The following DDAH1 variants were observed in gnomAD, a reference collection of about 807,000 sequenced individuals.
DDAH1 encodes N(G),N(G)-dimethylarginine dimethylaminohydrolase 1.
A neutral mutation model predicts 28.8 loss-of-function variants in DDAH1; 19 were observed. The observed-to-expected ratio is 0.66, with a 90% CI of 0.46 to 0.97. The LOEUF (loss-of-function observed/expected upper bound fraction) is 0.97. DDAH1 is among the 50% of genes least tolerant of loss of function. DDAH1 has a pLI of 0.00. For synonymous variants in DDAH1, 153 were observed against 154.4 expected (o/e 0.99, Z 0.07); for missense variants, 326 against 375.9 (o/e 0.87, Z 1.10).
At chr1:85,328,370 C>A (rs1018694446) in intron 4 of DDAH1, among the ~76,000 whole-genome samples, 1 of 152,220 alleles carries the variant, frequency 6.6e-6, no homozygotes, top group Admixed American at 6.5e-5. Flanking sequence ...ACCCAATGGG[C>A]AGATTGACTT....
chr1:85,508,200 A>T (rs1657091747), intron 1 of DDAH1, among the ~76,000 whole-genome samples: 1 of 152,228 alleles, frequency 6.6e-6, no homozygotes. Flanking sequence ...ACTATTAAAG[A>T]TCCTTGCCTG....
At chr1:85,488,644 G>C (rs1656284745) in intron 2 of DDAH1, among the ~76,000 whole-genome samples, 1 of 152,116 alleles carries the variant, frequency 6.6e-6, no homozygotes, top group Non-Finnish European at 1.5e-5. Context: ...CTTTTTTACA[G>C]TTGCACAGTA....
At chr1:85,516,797 G>A (rs1204868866) in intron 1 of DDAH1, among the ~76,000 whole-genome samples, 3 of 151,490 alleles carry the variant, frequency 2.0e-5, no homozygotes, top group Non-Finnish European at 4.4e-5. Flanking sequence ...ACACAGCTAG[G>A]GCTCCATCTC....
intron 2 of DDAH1, among the ~76,000 whole-genome samples, chr1:85,477,906 C>A (rs1655857723): frequency 6.6e-6 from 1 of 151,884 alleles, no homozygotes; most frequent in Non-Finnish European, 1.5e-5. Context: ...AGTATATGGG[C>A]TTCTATTCTC....
At chr1:85,540,316 T>A (rs1053521819) in intron 1 of DDAH1, among the ~76,000 whole-genome samples, 1 of 152,180 alleles carries the variant, frequency 6.6e-6, no homozygotes, top group African/African-American at 2.4e-5. Flanking sequence ...GGCCTTGGCG[T>A]TGATTTCTGC....
chr1:85,536,975 A>ACG (rs1202929872), intron 1 of DDAH1, among the ~76,000 whole-genome samples: 2 of 66,512 alleles, frequency 3.0e-5, no homozygotes, highest in Non-Finnish European at 5.7e-5. Flanking sequence ...ATATATATAT[A>ACG]TATATATATA....
At chr1:85,517,925 TCAA>T (rs1277735013) in intron 1 of DDAH1, among the ~76,000 whole-genome samples, 1 of 152,210 alleles carries the variant, frequency 6.6e-6, no homozygotes, top group Non-Finnish European at 1.5e-5. Context: ...GTGATTTCTT[TCAA>T]CAGCTGGGTT....
intron 1 of DDAH1, chr1:85,576,835 C>T (rs1017401465): frequency 6.5e-6 from 1 of 152,774 alleles, no homozygotes; most frequent in African/African-American, 2.4e-5. Flanking sequence ...CTGCCCGGGT[C>T]TACCCCGCCG....
chr1:85,386,436 G>A (rs1022651056), intron 1 of DDAH1, among the ~76,000 whole-genome samples: 4 of 152,244 alleles, frequency 2.6e-5, no homozygotes, highest in East Asian at 1.9e-4. Context: ...TAGGGCAGAC[G>A]TTAAACCTTA....
At chr1:85,545,223 C>A (rs538257270) in intron 1 of DDAH1, among the ~76,000 whole-genome samples, 1 of 152,198 alleles carries the variant, frequency 6.6e-6, no homozygotes, top group Non-Finnish European at 1.5e-5. Context: ...AAAGAGTCAA[C>A]CAACTCTCAA....
In DDAH1 at chr1:85,450,814, C is replaced by G. The variant is rs563702141; in HGVS notation, c.303+13929G>C. ...TAAGTACTTAAAATGGAAAATATAT[C>G]GAATGTGTAAAGATACTTAAAATGT... On this transcript the variant is annotated intron_variant, in intron 1 of 5. Transcript: ENST00000284031. Among the ~76,000 whole-genome samples, 6 of 152,158 alleles carry G rather than the reference C, an allele frequency of 3.9e-5. No homozygotes were observed. In the South Asian group the frequency reaches 1.2e-3, roughly 32 times the overall value.
At chr1:85,484,949 T>C (rs1181799535) in intron 2 of DDAH1, among the ~76,000 whole-genome samples, 3 of 152,224 alleles carry the variant, frequency 2.0e-5, no homozygotes, top group Non-Finnish European at 1.5e-5. Flanking sequence ...GAACATTTCA[T>C]CAACTGCTTT....
chr1:85,406,431 C>A (rs1285675346), intron 1 of DDAH1, among the ~76,000 whole-genome samples: 1 of 151,976 alleles, frequency 6.6e-6, no homozygotes, highest in Non-Finnish European at 1.5e-5. Flanking sequence ...GAAATAGTAA[C>A]CTCTATGATA....
Position 85,464,764 on chromosome 1 carries a change from C to T in DDAH1, c.282G>A (p.Gly94=). 6.4e-7 allele frequency: 1 copy of T among 1,559,244 alleles called. No homozygotes were observed. Among genetic ancestry groups the T allele is most frequent in the Admixed American group, 1.8e-5 (1 of 55,944 alleles). The change falls in exon 1 of 6, where the codon GGG becomes GGA. Residue 94 remains glycine, a synonymous_variant. Coordinates refer to ENST00000284031, the MANE Select transcript of DDAH1 (RefSeq NM_012137.4). This position sits in a 1 kb window ranked among gnomAD's most constrained non-coding sequence, Gnocchi z 4.4. The stretch of plus-strand genomic sequence containing the variant: ...TTACCTCCTTCCTCCGGCTCGGCGC[C>T]CCGGGTCGGGTGATGAGGGCCGTCT... The part of the protein sequence containing the change: ...CEETALITRP[G]APSRRKEVDM...
At chr1:85,489,994 T>C (rs1656333379) in intron 2 of DDAH1, among the ~76,000 whole-genome samples, 1 of 152,218 alleles carries the variant, frequency 6.6e-6, no homozygotes, top group Non-Finnish European at 1.5e-5. Flanking sequence ...CTTTCCCAAA[T>C]ATGATCTCAT....
At chr1:85,454,050 G>C (rs1654776164) in intron 1 of DDAH1, among the ~76,000 whole-genome samples, 1 of 149,820 alleles carries the variant, frequency 6.7e-6, no homozygotes, top group Non-Finnish European at 1.5e-5. Flanking sequence ...CCCCCACCTG[G>C]ATGCTACTGC....
chr1:85,539,074 A>G (rs1227705737), intron 1 of DDAH1, among the ~76,000 whole-genome samples: 3 of 152,156 alleles, frequency 2.0e-5, no homozygotes, highest in African/African-American at 7.2e-5. Context: ...CTAAATGAAA[A>G]TGACTCTAAT....
In DDAH1 at chr1:85,537,233, T is replaced by C. The variant is rs552999714; in HGVS notation, c.-123+40751A>G. On this transcript the variant is annotated intron_variant, in intron 1 of 6. Coordinates refer to the DDAH1 transcript ENST00000426972. ...CGTGTAGTCCCAGTTACTCAGGAGG[T>C]TGAGGTCGGAGGATCACTTGAGCCT... Among the ~76,000 whole-genome samples the C allele has an allele frequency of 6.6e-4, 98 of 149,548 alleles. 1 individual carries two copies. The highest frequency in any genetic ancestry group is 2.0e-3 in the African/African-American group (83 of 40,774).
At chr1:85,500,461 G>A (rs570285068) in intron 1 of DDAH1, among the ~76,000 whole-genome samples, 13 of 152,186 alleles carry the variant, frequency 8.5e-5, no homozygotes, top group African/African-American at 3.1e-4. Context: ...CGCAGAATGA[G>A]TCTTTTCCTC....
Sources: allele counts gnomAD v4.1 joint callset (sites outside exome capture counted in the v4.1 genomes callset), GRCh38; gene constraint gnomAD v4.1.1; non-coding constraint Gnocchi (gnomAD v3.1); transcripts MANE v1.5; gene names NCBI Gene and HGNC (gene_info 2026-07-23, HGNC 2026-07-21).